KAZN: variants seen among roughly 807,000 people sequenced by gnomAD.
The protein encoded by KAZN is kazrin.
In KAZN, 40 loss-of-function variants were observed where a neutral mutation model predicts 87.4. The observed-to-expected ratio is 0.46, with a 90% CI of 0.36 to 0.60. The LOEUF (loss-of-function observed/expected upper bound fraction) is 0.60, where lower values mean the gene tolerates loss of function less well. Ranked by LOEUF, KAZN falls within the 20% of genes least tolerant of loss-of-function variation. KAZN has a pLI of 0.00. For missense variants in KAZN, 898 were observed against 1,073.9 expected, an observed-to-expected ratio of 0.84 and a Z score of 2.29; for synonymous variants, 466 against 458.3, an observed-to-expected ratio of 1.02 and a Z score of -0.22.
intron 1 of KAZN, among the ~76,000 whole-genome samples, chr1:14,608,841 G>A (rs1677583365): frequency 6.6e-6 from 1 of 152,190 alleles, no homozygotes; most frequent in Admixed American, 6.5e-5. Flanking sequence ...TTCCTTGATT[G>A]ACTTAAACAT....
intron 1 of KAZN, among the ~76,000 whole-genome samples, chr1:14,951,635 CCTGA>C (rs1662495230): frequency 6.7e-6 from 1 of 149,880 alleles, no homozygotes; most frequent in Non-Finnish European, 1.5e-5. Flanking sequence ...CGCTACCACA[CCTGA>C]CTAATTTTTT....
intron 1 of KAZN, among the ~76,000 whole-genome samples, chr1:14,074,330 A>T (rs919274591): frequency 6.6e-6 from 1 of 152,136 alleles, no homozygotes. Context: ...CCACCTCACA[A>T]GGAGCCCCTC....
chr1:14,980,778 A>G (rs1017261412), intron 2 of KAZN, among the ~76,000 whole-genome samples: 1 of 152,058 alleles, frequency 6.6e-6, no homozygotes, highest in Non-Finnish European at 1.5e-5. Context: ...GCAGAGAAGG[A>G]AGTGGTTAAA....
At chr1:14,844,682 T>G (rs139451394) in intron 1 of KAZN, among the ~76,000 whole-genome samples, 2 of 152,268 alleles carry the variant, frequency 1.3e-5, no homozygotes, top group Admixed American at 1.3e-4. Flanking sequence ...CCCTTTCCTA[T>G]AAGGAGGAAA....
chr1:14,501,606 C>T (rs1449590135), intron 2 of KAZN, among the ~76,000 whole-genome samples: 2 of 152,114 alleles, frequency 1.3e-5, no homozygotes, highest in Non-Finnish European at 2.9e-5. Flanking sequence ...AAGAATTCTA[C>T]ACTAAGGACT....
At chr1:14,787,733 G>A (rs990286586) in intron 1 of KAZN, among the ~76,000 whole-genome samples, 8 of 152,074 alleles carry the variant, frequency 5.3e-5, no homozygotes, top group Non-Finnish European at 1.2e-4. Flanking sequence ...GATGACTGGC[G>A]CCCCCTGCAG....
chr1:14,024,717 A>G (rs1052821045), intron 1 of KAZN, among the ~76,000 whole-genome samples: 4 of 152,180 alleles, frequency 2.6e-5, no homozygotes, highest in African/African-American at 9.6e-5. Flanking sequence ...TGTGGGATAA[A>G]CCCAGGGGAG....
At chr1:14,986,185 C>T (rs1424268053) in intron 2 of KAZN, among the ~76,000 whole-genome samples, 6 of 152,014 alleles carry the variant, frequency 3.9e-5, no homozygotes, top group Admixed American at 3.9e-4. Context: ...TTTGGAGAAG[C>T]TTGCATATGG....
intron 1 of KAZN, among the ~76,000 whole-genome samples, chr1:14,886,518 G>A (rs975909352): frequency 1.3e-5 from 2 of 151,586 alleles, no homozygotes; most frequent in Non-Finnish European, 2.9e-5. Flanking sequence ...ATGGCCAGGC[G>A]TGGTGGCTCA....
At chr1:14,692,025 C>A in intron 1 of KAZN, 4 of 204,118 alleles carry the variant, frequency 2.0e-5, no homozygotes, top group Admixed American at 6.2e-5. Context: ...CATTCTTATA[C>A]TACCTGAACA....
At chr1:14,215,517 A>T (rs1646940403) in intron 2 of KAZN, among the ~76,000 whole-genome samples, 1 of 152,206 alleles carries the variant, frequency 6.6e-6, no homozygotes, top group South Asian at 2.1e-4. Flanking sequence ...AAAGCTGGGT[A>T]GTATTAGAGG....
chr1:14,514,582 ATTTTTT>A (rs1277980372), intron 2 of KAZN, among the ~76,000 whole-genome samples: 1 of 117,814 alleles, frequency 8.5e-6, no homozygotes, highest in South Asian at 2.4e-4. Context: ...TATTTTATAT[ATTTTTT>A]TATATTTTAT....
At chr1:15,026,403 T>C (rs548809197) in intron 2 of KAZN, among the ~76,000 whole-genome samples, 12 of 152,224 alleles carry the variant, frequency 7.9e-5, no homozygotes, top group Admixed American at 7.2e-4. Flanking sequence ...CCGCAGCTGC[T>C]AAGGAGCAAG....
At position 14,612,945 on chromosome 1, in the gene KAZN, C is replaced by G. The variant is rs113168132; in HGVS notation, c.226+13722C>G. 1.8e-3 allele frequency among the ~76,000 whole-genome samples: 279 copies of G among 152,232 alleles called. 2 individuals carry two copies. Among genetic ancestry groups the G allele is most frequent in the African/African-American group, 6.4e-3 (265 of 41,544 alleles). On this transcript the variant is annotated intron_variant, in intron 1 of 14. Transcript: ENST00000376030. ...TATTATTGAACTATGAATTCTCTCC[C>G]CTTTGACTTACTAATAAAACCACTT...
intron 1 of KAZN, among the ~76,000 whole-genome samples, chr1:14,619,093 G>A (rs1678486522): frequency 6.6e-6 from 1 of 152,048 alleles, no homozygotes; most frequent in African/African-American, 2.4e-5. Flanking sequence ...GAGAGTAAAT[G>A]AGATTGAGAA....
chr1:14,654,364 C>G (rs1455382073), intron 1 of KAZN, among the ~76,000 whole-genome samples: 1 of 151,916 alleles, frequency 6.6e-6, no homozygotes, highest in Non-Finnish European at 1.5e-5. Context: ...TAACTCAATG[C>G]CATGAGGAGT....
chr1:14,099,936 C>T (rs949275752), intron 1 of KAZN, among the ~76,000 whole-genome samples: 1 of 152,148 alleles, frequency 6.6e-6, no homozygotes, highest in Non-Finnish European at 1.5e-5. Context: ...CTTTCTCCTT[C>T]CCTCCCTTCC....
intron 2 of KAZN, among the ~76,000 whole-genome samples, chr1:14,236,458 C>A (rs993586343): frequency 1.3e-5 from 2 of 152,154 alleles, no homozygotes; most frequent in African/African-American, 4.8e-5. Flanking sequence ...CATGGGACCA[C>A]AGAGGCCTGG....
chr1:14,614,123 C>T (rs997881426), intron 1 of KAZN, among the ~76,000 whole-genome samples: 1 of 152,174 alleles, frequency 6.6e-6, no homozygotes, highest in Non-Finnish European at 1.5e-5. Flanking sequence ...CCTGCCTCAT[C>T]TCCAGCAATG....
Sources: gnomAD v4.1 joint callset for allele counts (sites outside exome capture counted in the v4.1 genomes callset) on GRCh38, gnomAD v4.1.1 for gene constraint, MANE v1.5 for transcripts, NCBI Gene and HGNC (gene_info 2026-07-23, HGNC 2026-07-21) for gene names.